The following COL17A1 variants were observed in gnomAD, a reference collection of about 807,000 sequenced individuals.
COL17A1 encodes collagen type XVII alpha 1 chain, also known as collagen alpha-1(XVII) chain.
In COL17A1, 181 loss-of-function variants were observed where a neutral mutation model predicts 218.4. That is an observed-to-expected ratio of 0.83 (90% CI 0.73 to 0.94). The LOEUF (loss-of-function observed/expected upper bound fraction) is 0.94. Ranked by LOEUF, COL17A1 falls within the 40% of genes least tolerant of loss-of-function variation. The pLI, the probability that COL17A1 is intolerant of heterozygous loss-of-function variation, is 0.00. For synonymous variants in COL17A1, 721 were observed against 731.0 expected (o/e 0.99, Z 0.22); for missense variants, 1,924 against 1,945.9 (o/e 0.99, Z 0.21).
At chr10:104,051,264 G>A (rs1468078326) in intron 25 of COL17A1, among the ~76,000 whole-genome samples, 4 of 152,176 alleles carry the variant, frequency 2.6e-5, no homozygotes, top group South Asian at 2.1e-4. Flanking sequence ...CTGCTGGAGG[G>A]TCTCAAGCCC....
chr10:104,041,191 G>T, intron 38 of COL17A1, 73 bp from the exon 39 acceptor site: 7 of 1,606,810 alleles, frequency 4.4e-6, no homozygotes, highest in Non-Finnish European at 6.0e-6. Flanking sequence ...GGAGGAGGCA[G>T]CAGGGAAGCT....
intron 37 of COL17A1, 62 bp downstream of exon 37, chr10:104,041,423 A>C (rs2086358664): frequency 1.2e-6 from 2 of 1,600,014 alleles, no homozygotes; most frequent in African/African-American, 1.3e-5. Flanking sequence ...CTTCCTCACT[A>C]AGTGCATTGA....
At chr10:104,041,170 C>T in intron 38 of COL17A1, 52 bp from the exon 39 acceptor site, 6 of 1,610,952 alleles carry the variant, frequency 3.7e-6, no homozygotes, top group Non-Finnish European at 5.1e-6. Context: ...GAGCCAGGAA[C>T]CCTCTGCTCA....
chr10:104,070,750 C>T (rs2086662711), intron 8 of COL17A1, among the ~76,000 whole-genome samples, 181 bp from the exon 9 acceptor site: 1 of 152,214 alleles, frequency 6.6e-6, no homozygotes, highest in Non-Finnish European at 1.5e-5. Context: ...CACTTATCAA[C>T]TTGGTACTTT....
At chr10:104,050,489 C>G (rs147178429) in intron 27 of COL17A1, 132 bp downstream of exon 27, 1 of 1,478,932 alleles carries the variant, frequency 6.8e-7, no homozygotes, top group African/African-American at 1.4e-5. Flanking sequence ...GTTTCCCTAT[C>G]TGAGAGGTTG....
In COL17A1 at chr10:104,043,827, G is replaced by A. The variant is rs145101288; in HGVS notation, c.2432C>T (p.Ser811Leu). The A allele has an allele frequency of 9.3e-6, 15 of 1,614,130 alleles. No individual in the cohort carries two copies. The highest frequency in any genetic ancestry group is 4.0e-5 in the African/African-American group (3 of 75,022). Residue 811 changes from serine to leucine, a missense_variant and splice_region_variant, in exon 34 of 56, where the codon TCG (serine) becomes TTG (leucine). Physicochemically the swap from Ser to Leu is moderately radical, Grantham distance 145 (BLOSUM62 -2). Coordinates refer to ENST00000648076, the MANE Select transcript of COL17A1 (RefSeq NM_000494.4). ...GGGTCCCTCTAGGACCTGCCTACCC[G>A]AAGTCACGATCTTGCCTGGAGCTCC... Reference protein sequence around the residue: ...EPGAPGKIVTSEGSSMLTVPG... With the variant: ...EPGAPGKIVTLEGSSMLTVPG...
At chr10:104,061,301 T>C (rs2134629641) in intron 13 of COL17A1, 104 bp downstream of exon 13, 1 of 1,193,434 alleles carries the variant, frequency 8.4e-7, no homozygotes, top group Non-Finnish European at 1.2e-6. Context: ...CTATTTCCTC[T>C]TCCAGTATAC....
Position 104,077,041 on chromosome 10 carries a change from C to A in COL17A1, c.202+381G>T, listed in dbSNP as rs567427440. Among the ~76,000 whole-genome samples, 11 of 152,248 alleles carry A rather than the reference C, an allele frequency of 7.2e-5. No homozygotes were observed. In the South Asian group the frequency reaches 1.2e-3, roughly 17 times the overall value. On this transcript the variant is annotated intron_variant, in intron 4 of 55. Coordinates refer to ENST00000648076, the MANE Select transcript of COL17A1 (RefSeq NM_000494.4). ...TTTCGTTGTTAATTCAAATTGTAAA[C>A]CCTCAGGCGTGCACATTGTTCTCTA...
chr10:104,064,344 T>C, intron 10 of COL17A1, 94 bp downstream of exon 10: 1 of 1,596,850 alleles, frequency 6.3e-7, no homozygotes, highest in Non-Finnish European at 8.5e-7. Flanking sequence ...CAGGAGGCCC[T>C]GAGGATGGCA....
intron 1 of COL17A1, among the ~76,000 whole-genome samples, chr10:104,081,447 A>G (rs2086763789): frequency 1.3e-5 from 2 of 152,132 alleles, no homozygotes; most frequent in Non-Finnish European, 2.9e-5. Flanking sequence ...CTCAGCATGG[A>G]TGGTATGAGG....
chr10:104,080,513 C>G (rs2086755558), intron 2 of COL17A1, 109 bp downstream of exon 2: 4 of 1,312,114 alleles, frequency 3.0e-6, no homozygotes, highest in Non-Finnish European at 4.3e-6. Flanking sequence ...CACACTTAAA[C>G]ATGATACAGT....
intron 8 of COL17A1, among the ~76,000 whole-genome samples, 184 bp from the exon 9 acceptor site, chr10:104,070,753 G>A (rs2086662761): frequency 6.6e-6 from 1 of 152,116 alleles, no homozygotes; most frequent in Non-Finnish European, 1.5e-5. Flanking sequence ...TTATCAACTT[G>A]GTACTTTGTC....
chr10:104,037,494 G>A (rs915587448), intron 46 of COL17A1, 142 bp downstream of exon 46: 58 of 1,138,328 alleles, frequency 5.1e-5, no homozygotes, highest in Admixed American at 2.4e-4. Context: ...TATCCCAGTG[G>A]CCCGATTATT....
intron 45 of COL17A1, 113 bp from the exon 46 acceptor site, chr10:104,037,886 C>G (rs1338263082): frequency 2.2e-6 from 3 of 1,356,258 alleles, no homozygotes; most frequent in Middle Eastern, 1.8e-4. Context: ...CACATGGGCC[C>G]AAGGCTGGGC....
rs1188836553 is a variant in COL17A1, at chr10:104,031,475, C to T, written c.*760G>A. On this transcript the variant is annotated 3_prime_UTR_variant, in exon 56 of 56. Transcript: ENST00000648076. ...TGAGCTGATGCTGTGTCCCCAGCAT[C>T]AGGTTTTCTGTTTTCCCTCTTCTCC... is the stretch of plus-strand genomic sequence containing the variant. 6.6e-6 allele frequency: 1 copy of T among 152,532 alleles called. No homozygotes were observed. The highest frequency in any genetic ancestry group is 1.5e-5 in the Non-Finnish European group (1 of 68,038). The allele number at this position is 152,532 out of a possible 1,614,324, so 9.4% of individuals were successfully genotyped here. A position where few individuals can be genotyped will look rare whatever the true frequency, so the allele number is the denominator to read the frequency against.
At position 104,039,936 on chromosome 10, in the gene COL17A1, C is replaced by T. The variant is rs1446001334; in HGVS notation, c.2788+37G>A. The T allele has an allele frequency of 2.5e-6, 4 of 1,614,138 alleles. No individual in the cohort carries two copies. In the South Asian group the frequency reaches 4.4e-5, roughly 18 times the overall value. On this transcript the variant is annotated intron_variant, in intron 41 of 55. Transcript: ENST00000648076. ...AGGTGAGCTTTTGCCATCCCCACCCCTACCCCAGGTTTTGTTTGATGCCGG... is the reference window on the plus strand; with the variant it reads ...AGGTGAGCTTTTGCCATCCCCACCCTTACCCCAGGTTTTGTTTGATGCCGG...
chr10:104,085,763 A>G lies in COL17A1; in HGVS notation c.-52T>C, dbSNP rs2086800440. 1 of 152,618 alleles carries G rather than the reference A, an allele frequency of 6.6e-6. No homozygotes were observed. The highest frequency in any genetic ancestry group is 1.5e-5 in the Non-Finnish European group (1 of 68,022). 9.5% of individuals were successfully genotyped at this position (152,618 alleles called of 1,614,324 possible). A position where few individuals can be genotyped will look rare whatever the true frequency, so the allele number is the denominator to read the frequency against. On this transcript the variant is annotated 5_prime_UTR_variant, in exon 1 of 56. Transcript: ENST00000648076. ...GAAGGAATTGGAAACAACTTTGAATAAATCCCCCTCTCTCTTTCTTCTCCT... is the reference window on the plus strand; with the variant it reads ...GAAGGAATTGGAAACAACTTTGAATGAATCCCCCTCTCTCTTTCTTCTCCT...
intron 9 of COL17A1, among the ~76,000 whole-genome samples, chr10:104,065,060 G>A (rs915281034): frequency 6.6e-6 from 1 of 152,172 alleles, no homozygotes; most frequent in African/African-American, 2.4e-5. Flanking sequence ...CTGGGCAGGG[G>A]AGTCCTTGGT....
At chr10:104,062,394 G>C (rs571225449) in intron 11 of COL17A1, 65 bp from the exon 12 acceptor site, 1 of 1,608,344 alleles carries the variant, frequency 6.2e-7, no homozygotes, top group South Asian at 1.1e-5. Context: ...GCTTAGGACG[G>C]CCCCCAGAGT....
Sources: allele counts gnomAD v4.1 joint callset (sites outside exome capture counted in the v4.1 genomes callset), GRCh38; gene constraint gnomAD v4.1.1; transcripts MANE v1.5; gene names NCBI Gene and HGNC (gene_info 2026-07-23, HGNC 2026-07-21).